The following TMEM132D variants were observed in gnomAD, a reference collection of about 807,000 sequenced individuals.
The protein encoded by TMEM132D is mature OL transmembrane protein.
TMEM132D carries 21 observed loss-of-function variants against 62.3 expected under a neutral mutation model. That is an observed-to-expected ratio of 0.34 (90% CI 0.24 to 0.49). TMEM132D has a LOEUF of 0.49. TMEM132D is among the 20% of genes least tolerant of loss of function. The probability of loss-of-function intolerance (pLI) is 0.99; values close to 1 mark genes in which losing one functional copy is unlikely to be tolerated. For synonymous variants in TMEM132D, 621 were observed against 575.6 expected, an observed-to-expected ratio of 1.08 and a Z score of -1.13; for missense variants, 1,346 against 1,402.8, an observed-to-expected ratio of 0.96 and a Z score of 0.65.
chr12:129,292,645 G>A (rs945058728), intron 4 of TMEM132D, among the ~76,000 whole-genome samples: 1 of 152,148 alleles, frequency 6.6e-6, no homozygotes, highest in Non-Finnish European at 1.5e-5. Context: ...ATAGACACAT[G>A]CAAGGATAAT....
In TMEM132D at chr12:129,326,717, T is replaced by G. The variant is rs1868924602; in HGVS notation, c.1299+10917A>C. Among the ~76,000 whole-genome samples the G allele has an allele frequency of 3.3e-5, 5 of 152,198 alleles. No homozygotes were observed. The South Asian group carries it at 1.0e-3, about 31-fold the overall frequency. On this transcript the variant is annotated intron_variant, in intron 4 of 8. Coordinates refer to ENST00000422113, the MANE Select transcript of TMEM132D (RefSeq NM_133448.3). ...TTTTCAACTCTATTTGAGCTATTGC[T>G]CCTTTTATATAACAAATATTTATGT...
chr12:129,289,019 G>A (rs562718729), intron 4 of TMEM132D, among the ~76,000 whole-genome samples: 1 of 152,190 alleles, frequency 6.6e-6, no homozygotes, highest in African/African-American at 2.4e-5. Flanking sequence ...TATTATTTTA[G>A]AGACCTCCTG....
At chr12:129,385,423 C>T (rs1871083138) in intron 3 of TMEM132D, among the ~76,000 whole-genome samples, 4 of 152,054 alleles carry the variant, frequency 2.6e-5, no homozygotes, top group Admixed American at 2.6e-4. Flanking sequence ...GCTTCTTAAA[C>T]ATACTGGATT....
intron 2 of TMEM132D, among the ~76,000 whole-genome samples, chr12:129,592,411 C>A (rs897801143): frequency 6.6e-6 from 1 of 152,186 alleles, no homozygotes; most frequent in Non-Finnish European, 1.5e-5. Context: ...TTTTTGAAAT[C>A]TTCCCTTTCA....
chr12:129,801,043 C>T (rs74759181), intron 1 of TMEM132D, among the ~76,000 whole-genome samples: 17,901 of 152,214 alleles, frequency 0.12, 1,282 homozygotes, highest in East Asian at 0.28. Context: ...GATTATATCC[C>T]GCACCTGGCT....
At chr12:129,706,179 A>T (rs1293305880) in intron 1 of TMEM132D, among the ~76,000 whole-genome samples, 1 of 152,032 alleles carries the variant, frequency 6.6e-6, no homozygotes, top group Admixed American at 6.5e-5. Flanking sequence ...CCATTAAAAG[A>T]CTAAGATTCT....
At chr12:129,240,835 A>C (rs1182950290) in intron 4 of TMEM132D, among the ~76,000 whole-genome samples, 1 of 152,160 alleles carries the variant, frequency 6.6e-6, no homozygotes, top group Non-Finnish European at 1.5e-5. Context: ...AGAGGAAGAC[A>C]ACACCTTCTA....
chr12:129,839,987 T>C (rs1292359484), intron 1 of TMEM132D: 1 of 152,148 alleles, frequency 6.6e-6, no homozygotes, highest in East Asian at 1.9e-4. Context: ...TTTGCTAAAC[T>C]CAAATGCACC....
intron 4 of TMEM132D, among the ~76,000 whole-genome samples, chr12:129,227,469 A>G (rs1328879577): frequency 6.7e-6 from 1 of 149,704 alleles, no homozygotes; most frequent in South Asian, 2.1e-4. Flanking sequence ...TTAATAAGAG[A>G]AAGCCACATG....
intron 3 of TMEM132D, among the ~76,000 whole-genome samples, chr12:129,421,830 T>A (rs1255253714): frequency 6.6e-6 from 1 of 152,220 alleles, no homozygotes; most frequent in Admixed American, 6.5e-5. Flanking sequence ...GATAGACTCA[T>A]ACAGGAATGG....
intron 1 of TMEM132D, among the ~76,000 whole-genome samples, chr12:129,719,545 G>A (rs1162668851): frequency 6.6e-6 from 1 of 152,160 alleles, no homozygotes; most frequent in Non-Finnish European, 1.5e-5. Flanking sequence ...TTTTTCTAGG[G>A]AGACACTGAA....
intron 1 of TMEM132D, among the ~76,000 whole-genome samples, chr12:129,871,827 G>A (rs1164099670): frequency 6.6e-6 from 1 of 152,198 alleles, no homozygotes; most frequent in African/African-American, 2.4e-5. Context: ...TATATGGGAA[G>A]TTCCAAGCCA....
chr12:129,442,434 T>C (rs906851945), intron 3 of TMEM132D, among the ~76,000 whole-genome samples: 3 of 152,174 alleles, frequency 2.0e-5, no homozygotes, highest in African/African-American at 7.2e-5. Context: ...CCTTTCCAGA[T>C]GCTGAAACCT....
chr12:129,249,156 T>C (rs904402463), intron 4 of TMEM132D, among the ~76,000 whole-genome samples: 12 of 152,312 alleles, frequency 7.9e-5, no homozygotes, highest in African/African-American at 2.9e-4. Context: ...TGAAATCAGC[T>C]TGGGACCTGC....
intron 5 of TMEM132D, among the ~76,000 whole-genome samples, chr12:129,119,201 A>G (rs1430378839): frequency 6.6e-6 from 1 of 152,206 alleles, no homozygotes; most frequent in African/African-American, 2.4e-5. Context: ...CTTTTTATAG[A>G]TTTAGGGGAA....
chr12:129,748,159 G>C (rs1414135687), intron 1 of TMEM132D, among the ~76,000 whole-genome samples: 2 of 152,150 alleles, frequency 1.3e-5, no homozygotes, highest in Non-Finnish European at 2.9e-5. Context: ...AACAACCTTG[G>C]CATAGAAGCA....
At chr12:129,473,813 C>T (rs901052273) in intron 3 of TMEM132D, among the ~76,000 whole-genome samples, 5 of 152,330 alleles carry the variant, frequency 3.3e-5, no homozygotes, top group Admixed American at 3.3e-4. Context: ...ATCTCCGAGG[C>T]ATGTCCATAG....
At chr12:129,460,316 GC>G (rs1273756815) in intron 3 of TMEM132D, among the ~76,000 whole-genome samples, 2 of 152,126 alleles carry the variant, frequency 1.3e-5, no homozygotes, top group Non-Finnish European at 2.9e-5. Flanking sequence ...CTTGAGAACT[GC>G]CACACATCTC....
intron 3 of TMEM132D, among the ~76,000 whole-genome samples, chr12:129,496,346 T>C (rs1460526507): frequency 6.6e-6 from 1 of 152,128 alleles, no homozygotes; most frequent in Non-Finnish European, 1.5e-5. Flanking sequence ...CATTCCCGAC[T>C]GGTTTTAGAG....
Sources: gnomAD v4.1 joint callset for allele counts (sites outside exome capture counted in the v4.1 genomes callset) on GRCh38, gnomAD v4.1.1 for gene constraint, MANE v1.5 for transcripts, NCBI Gene and HGNC (gene_info 2026-07-23, HGNC 2026-07-21) for gene names.